The following RELN variants were observed in gnomAD, a reference collection of about 807,000 sequenced individuals.
RELN encodes reelin.
Under a neutral mutation model 427.6 loss-of-function variants are expected in RELN, and 108 were observed. The ratio of observed to expected loss-of-function variants is 0.25; its 90% CI spans 0.22 to 0.30. The LOEUF (loss-of-function observed/expected upper bound fraction) is 0.30. Ranked by LOEUF, RELN falls within the 10% of genes least tolerant of loss-of-function variation. The probability of loss-of-function intolerance (pLI) is 1.00; values close to 1 mark genes in which losing one functional copy is unlikely to be tolerated. For synonymous variants in RELN, 1,524 were observed against 1,513.4 expected (o/e 1.01, Z -0.16); for missense variants, 3,715 against 4,302.8 (o/e 0.86, Z 3.82).
At chr7:103,661,135 T>C (rs1165740454) in intron 12 of RELN, among the ~76,000 whole-genome samples, 1 of 152,098 alleles carries the variant, frequency 6.6e-6, no homozygotes, top group African/African-American at 2.4e-5. Flanking sequence ...AAGGAAGGTA[T>C]TATGGCATTT....
intron 2 of RELN, among the ~76,000 whole-genome samples, chr7:103,876,071 CTT>C (rs1185106746): frequency 2.0e-5 from 3 of 152,014 alleles, no homozygotes; most frequent in Non-Finnish European, 4.4e-5. Context: ...GTGGAAATTT[CTT>C]TGTTTGATTA....
chr7:103,778,154 C>T (rs1180170966), intron 3 of RELN, among the ~76,000 whole-genome samples: 1 of 152,160 alleles, frequency 6.6e-6, no homozygotes, highest in Non-Finnish European at 1.5e-5. Context: ...GAGAACTAAA[C>T]ATAGGGCCAA....
chr7:103,932,623 A>T (rs1408050674), intron 1 of RELN, among the ~76,000 whole-genome samples: 1 of 152,236 alleles, frequency 6.6e-6, no homozygotes, highest in Admixed American at 6.5e-5. Context: ...TGGAAGCAGC[A>T]CCTATTCGTT....
chr7:103,980,313 T>C (rs1434439172), intron 1 of RELN, among the ~76,000 whole-genome samples: 3 of 152,156 alleles, frequency 2.0e-5, no homozygotes, highest in Admixed American at 1.3e-4. Flanking sequence ...TACTAGGTGA[T>C]TGCTTTGTGC....
intron 1 of RELN, among the ~76,000 whole-genome samples, chr7:103,959,467 A>G (rs2116785613): frequency 6.6e-6 from 1 of 152,264 alleles, no homozygotes; most frequent in East Asian, 1.9e-4. Context: ...TCTCAAACTT[A>G]ACATGTTCAA....
chr7:103,813,448 G>C (rs535576862), intron 3 of RELN, among the ~76,000 whole-genome samples: 9 of 152,268 alleles, frequency 5.9e-5, no homozygotes, highest in African/African-American at 1.9e-4. Context: ...TCTTCAGATG[G>C]AGAAGCTGAG....
At chr7:103,752,079 T>C (rs1791016483) in intron 5 of RELN, among the ~76,000 whole-genome samples, 1 of 152,230 alleles carries the variant, frequency 6.6e-6, no homozygotes, top group Non-Finnish European at 1.5e-5. Flanking sequence ...CCTGTTTGTG[T>C]ATTGATTTAC....
chr7:103,744,945 T>C (rs1223994460), intron 6 of RELN, among the ~76,000 whole-genome samples: 1 of 152,196 alleles, frequency 6.6e-6, no homozygotes, highest in East Asian at 1.9e-4. Context: ...TTCCAAAGCC[T>C]GGCAGAGACA....
chr7:103,791,123 A>G (rs187327879), intron 3 of RELN, among the ~76,000 whole-genome samples: 7 of 152,344 alleles, frequency 4.6e-5, no homozygotes, highest in Non-Finnish European at 8.8e-5. Flanking sequence ...ATGGAAATAA[A>G]TGGAAAAACA....
intron 2 of RELN, among the ~76,000 whole-genome samples, chr7:103,915,024 A>G (rs550009537): frequency 5.3e-5 from 8 of 152,066 alleles, no homozygotes; most frequent in African/African-American, 1.9e-4. Flanking sequence ...CAAACTTACA[A>G]TATCCTGAAT....
At chr7:103,506,757 C>A (rs899475784) in intron 51 of RELN, among the ~76,000 whole-genome samples, 2 of 152,166 alleles carry the variant, frequency 1.3e-5, no homozygotes, top group Admixed American at 6.5e-5. Flanking sequence ...TTAAAAGACA[C>A]AGACTAGCAA....
intron 61 of RELN, among the ~76,000 whole-genome samples, chr7:103,485,021 AATC>A (rs1828379513): frequency 1.3e-5 from 2 of 152,174 alleles, no homozygotes; most frequent in African/African-American, 4.8e-5. Flanking sequence ...ATGGGAAATA[AATC>A]ATCATAAGAT....
At chr7:103,608,104 AC>A (rs1831861352) in intron 22 of RELN, among the ~76,000 whole-genome samples, 1 of 152,240 alleles carries the variant, frequency 6.6e-6, no homozygotes, top group Non-Finnish European at 1.5e-5. Context: ...AAACGGCAGA[AC>A]AAAGATTTGG....
chr7:103,511,297 AT>A (rs1374762842), intron 50 of RELN, among the ~76,000 whole-genome samples: 1 of 152,186 alleles, frequency 6.6e-6, no homozygotes, highest in Non-Finnish European at 1.5e-5. Flanking sequence ...GAAATAACTA[AT>A]TTTTTGACAG....
chr7:103,705,861 C>T lies in RELN; in HGVS notation c.806-4855G>A, dbSNP rs561389414. Among the ~76,000 whole-genome samples the T allele has an allele frequency of 5.3e-5, 8 of 152,282 alleles. No individual in the cohort carries two copies. The South Asian group carries it at 6.2e-4, about 12-fold the overall frequency. The stretch of plus-strand genomic sequence containing the variant: ...CACAGAACTGTTGTAAAGATTAAGG[C>T]ATTAACACAAGAAAAGTACCTAGAC... On this transcript the variant is annotated intron_variant, in intron 8 of 64. Coordinates refer to ENST00000428762, the MANE Select transcript of RELN (RefSeq NM_005045.4).
intron 6 of RELN, among the ~76,000 whole-genome samples, chr7:103,731,193 A>G (rs555193469): frequency 6.6e-6 from 1 of 152,264 alleles, no homozygotes; most frequent in East Asian, 1.9e-4. Context: ...AAGCCTTCAA[A>G]GGAGATGGTC....
At position 103,557,077 on chromosome 7, in the gene RELN, G is replaced by A. The variant is rs1254062049; in HGVS notation, c.5697C>T (p.Tyr1899=). 6.2e-7 allele frequency: 1 copy of A among 1,613,488 alleles called. No individual in the cohort carries two copies. Among genetic ancestry groups the A allele is most frequent in the Non-Finnish European group, 8.5e-7 (1 of 1,179,362 alleles). The change falls in exon 38 of 65, where the codon TAC becomes TAT. Residue 1899 remains tyrosine, a synonymous_variant. Coordinates refer to ENST00000428762, the MANE Select transcript of RELN (RefSeq NM_005045.4). ...GITWHLMDEF[Y]FPQTTNILFI... is the part of the protein sequence containing the mutation. The stretch of plus-strand genomic sequence containing the variant: ...AAAGTATATTCGTTGTTTGAGGAAA[G>A]TAAAATTCATCCATCAGGTGCCAAG...
At chr7:103,916,947 A>G in intron 2 of RELN, 128 bp downstream of exon 2, 1 of 785,422 alleles carries the variant, frequency 1.3e-6, no homozygotes, top group Non-Finnish European at 2.2e-6. Flanking sequence ...ACACACAAAA[A>G]CAAAACACTT....
At chr7:103,705,932 A>T (rs1834189599) in intron 8 of RELN, among the ~76,000 whole-genome samples, 1 of 152,224 alleles carries the variant, frequency 6.6e-6, no homozygotes, top group Admixed American at 6.5e-5. Context: ...GCTATGATTG[A>T]ATATTTTAAA....
Sources: gnomAD v4.1 joint callset for allele counts (sites outside exome capture counted in the v4.1 genomes callset) on GRCh38, gnomAD v4.1.1 for gene constraint, MANE v1.5 for transcripts, NCBI Gene and HGNC (gene_info 2026-07-23, HGNC 2026-07-21) for gene names.